TMC5: variants seen among roughly 807,000 people sequenced by gnomAD.
TMC5 encodes the protein transmembrane channel-like protein 5.
A neutral mutation model predicts 110.5 loss-of-function variants in TMC5; 86 were observed. That is an observed-to-expected ratio of 0.78 (90% CI 0.65 to 0.93). TMC5 has a LOEUF of 0.93. Ranked by LOEUF, TMC5 falls within the 40% of genes least tolerant of loss-of-function variation. TMC5 has a pLI of 0.00. For synonymous variants in TMC5, 455 were observed against 439.5 expected (o/e 1.04, Z -0.44); for missense variants, 1,144 against 1,222.8 (o/e 0.94, Z 0.96).
rs917799343 is a variant in TMC5, at chr16:19,430,581, G to A, written c.-139G>A. On this transcript the variant is annotated 5_prime_UTR_variant, in exon 2 of 22. Coordinates refer to ENST00000542583, the MANE Select transcript of TMC5 (RefSeq NM_001261841.2). ...GTTCTCAACAACATCTTAAGATCAAGTTGGTTTGCACAACATTTGCATCTA... is the reference window on the plus strand; with the variant it reads ...GTTCTCAACAACATCTTAAGATCAAATTGGTTTGCACAACATTTGCATCTA... 2 of 152,448 alleles carry A rather than the reference G, an allele frequency of 1.3e-5. No homozygotes were observed. Among genetic ancestry groups the A allele is most frequent in the African/African-American group, 4.8e-5 (2 of 41,430 alleles). The allele number at this position is 152,448 out of a possible 1,614,324, so 9.4% of individuals were successfully genotyped here. A position where few individuals can be genotyped will look rare whatever the true frequency, so the allele number is the denominator to read the frequency against.
intron 7 of TMC5, 87 bp from the exon 8 acceptor site, chr16:19,463,689 G>A: frequency 2.7e-6 from 4 of 1,484,088 alleles, no homozygotes; most frequent in Non-Finnish European, 3.7e-6. Context: ...TCCAGACATG[G>A]TGGCTGTTTC....
chr16:19,485,553 C>T (rs1968719502), intron 15 of TMC5, among the ~76,000 whole-genome samples: 1 of 152,128 alleles, frequency 6.6e-6, no homozygotes, highest in South Asian at 2.1e-4. Context: ...CCGCTTCGGC[C>T]TCCAAAAGTG....
intron 2 of TMC5, among the ~76,000 whole-genome samples, chr16:19,439,696 A>C (rs938485860): frequency 1.3e-5 from 2 of 152,138 alleles, no homozygotes; most frequent in African/African-American, 4.8e-5. Context: ...AGCCCAGAGG[A>C]AGCAAGATGG....
chr16:19,463,566 C>A lies in TMC5; in HGVS notation c.1236+199C>A, dbSNP rs146417728. Among the ~76,000 whole-genome samples the A allele has an allele frequency of 2.3e-3, 349 of 152,274 alleles. 7 individuals carry two copies. The East Asian group carries it at 0.054, about 23-fold the overall frequency. On this transcript the variant is annotated intron_variant, in intron 7 of 21. Transcript: ENST00000542583. ...TTGCTGAGTTCATTGGCCAACTTGG[C>A]CATTGTGAGTGGCACCTTCAACAGC...
At chr16:19,414,056 A>G (rs904174621), upstream of TMC5, among the ~76,000 whole-genome samples, 26 of 152,264 alleles carry the variant, frequency 1.7e-4, no homozygotes, top group Admixed American at 1.7e-3. Context: ...AGTCAGGCTC[A>G]GGGAAATTCA....
chr16:19,460,565 A>C (rs1260800941), intron 6 of TMC5, among the ~76,000 whole-genome samples: 1 of 152,120 alleles, frequency 6.6e-6, no homozygotes, highest in African/African-American at 2.4e-5. Flanking sequence ...CTTTCCAAAG[A>C]GTAGGGCGTG....
intron 5 of TMC5, chr16:19,456,766 G>C (rs756960549): frequency 6.2e-7 from 1 of 1,614,004 alleles, no homozygotes; most frequent in Admixed American, 1.7e-5. Context: ...TTTCCTCTGG[G>C]GTCCAAAGCC....
chr16:19,414,125 C>T (rs577796193), upstream of TMC5, among the ~76,000 whole-genome samples: 1 of 152,204 alleles, frequency 6.6e-6, no homozygotes, highest in South Asian at 2.1e-4. Context: ...CATTTATTTT[C>T]ATTTCCCTCT....
At chr16:19,417,731 A>T (rs1966891366), upstream of TMC5, 1 of 152,216 alleles carries the variant, frequency 6.6e-6, no homozygotes, top group African/African-American at 2.4e-5. Context: ...ATCGTCGCGG[A>T]CTCAGTAGAC....
intron 4 of TMC5, among the ~76,000 whole-genome samples, chr16:19,446,252 G>T (rs868637620): frequency 6.6e-6 from 1 of 152,190 alleles, no homozygotes; most frequent in African/African-American, 2.4e-5. Context: ...AATCCCAAGG[G>T]GGGAATATCT....
chr16:19,414,397 T>C (rs1444033302), upstream of TMC5, among the ~76,000 whole-genome samples: 5 of 152,176 alleles, frequency 3.3e-5, no homozygotes, highest in African/African-American at 4.8e-5. Flanking sequence ...TCATAGAAGG[T>C]GAAAAACTCT....
Position 19,469,714 on chromosome 16 carries a change from T to C in TMC5, c.1671T>C (p.Asn557=). 6.2e-7 allele frequency: 1 copy of C among 1,614,104 alleles called. No individual in the cohort carries two copies. The highest frequency in any genetic ancestry group is 8.5e-7 in the Non-Finnish European group (1 of 1,179,982). ...MAKYFRNNFI[N]PHIYSGGITK... is the part of the protein sequence containing the mutation. ...AGTATTTCCGGAACAACTTCATTAA[T>C]CCCCACATTTACTCCGGAGGGATCA... Residue 557 remains asparagine, a synonymous_variant, in exon 10 of 22, where the codon AAT becomes AAC. Transcript: ENST00000542583.
In TMC5 at chr16:19,472,147, C is replaced by A; in HGVS notation, c.1842C>A (p.Thr614=). Reference sequence around the variant, plus strand: ...AGTTGACGTTCAATCAGCTGCTGACCCGCTTCTCTGCCTACATGGTAGCCT... The same window carrying A: ...AGTTGACGTTCAATCAGCTGCTGACACGCTTCTCTGCCTACATGGTAGCCT... ...NSKLTFNQLL[T]RFSAYMVAWV... Residue 614 remains threonine (T), a synonymous_variant, in exon 11 of 22, where the codon ACC becomes ACA. Transcript: ENST00000542583. 6.2e-7 allele frequency: 1 copy of A among 1,614,190 alleles called. No homozygotes were observed. The highest frequency in any genetic ancestry group is 8.5e-7 in the Non-Finnish European group (1 of 1,180,026).
At chr16:19,461,655 G>T (rs1041639685) in intron 6 of TMC5, among the ~76,000 whole-genome samples, 1 of 152,140 alleles carries the variant, frequency 6.6e-6, no homozygotes, top group Non-Finnish European at 1.5e-5. Context: ...TTCAAAACCC[G>T]AGGGTAAGGG....
intron 5 of TMC5, chr16:19,456,950 C>T: frequency 6.2e-7 from 1 of 1,614,214 alleles, no homozygotes; most frequent in Non-Finnish European, 8.5e-7. Context: ...GTCGATGTCT[C>T]AGACCCTTCA....
At chr16:19,493,845 A>T (rs142926221) in intron 19 of TMC5, among the ~76,000 whole-genome samples, 128 of 151,990 alleles carry the variant, frequency 8.4e-4, no homozygotes, top group African/African-American at 3.0e-3. Context: ...TAAAGAATGC[A>T]GGTCATCTGT....
At chr16:19,441,053 C>G (rs1967476286) in intron 3 of TMC5, among the ~76,000 whole-genome samples, 1 of 152,148 alleles carries the variant, frequency 6.6e-6, no homozygotes, top group Non-Finnish European at 1.5e-5. Flanking sequence ...CCATCTCTTC[C>G]TTGGATCACC....
chr16:19,465,672 C>T (rs1319683839), intron 8 of TMC5, among the ~76,000 whole-genome samples: 1 of 152,146 alleles, frequency 6.6e-6, no homozygotes, highest in East Asian at 1.9e-4. Context: ...CTAGTGGTTT[C>T]TAGAATTTGT....
chr16:19,426,670 C>T lies in TMC5; in HGVS notation c.-307-3743C>T, dbSNP rs1410619346. Among the ~76,000 whole-genome samples, 3 of 152,164 alleles carry T rather than the reference C, an allele frequency of 2.0e-5. No homozygotes were observed. The East Asian group carries it at 5.8e-4, about 29-fold the overall frequency. On this transcript the variant is annotated intron_variant, in intron 1 of 21. Coordinates refer to ENST00000542583, the MANE Select transcript of TMC5 (RefSeq NM_001261841.2). ...AGCAAGAAGGGGGAAACTGCTGAAG[C>T]ACAAGTAACCCACAAACCCACTTTT...
Sources: allele counts gnomAD v4.1 joint callset (sites outside exome capture counted in the v4.1 genomes callset), GRCh38; gene constraint gnomAD v4.1.1; transcripts MANE v1.5; gene names NCBI Gene and HGNC (gene_info 2026-07-23, HGNC 2026-07-21).